The following SDK1 variants were observed in gnomAD, a reference collection of about 807,000 sequenced individuals.
SDK1 encodes the protein protein sidekick-1.
A neutral mutation model predicts 245.5 loss-of-function variants in SDK1; 157 were observed. The observed-to-expected ratio is 0.64, with a 90% CI of 0.56 to 0.73. The LOEUF is 0.73. Ranked by LOEUF, SDK1 falls within the 30% of genes least tolerant of loss-of-function variation. The pLI is 0.00. For missense variants in SDK1, 3,583 were observed against 3,002.3 expected (o/e 1.19, Z -4.52); for synonymous variants, 1,647 against 1,278.5 (o/e 1.29, Z -6.15).
At chr7:3,648,356 C>T (rs2128654901) in intron 4 of SDK1, among the ~76,000 whole-genome samples, 1 of 152,250 alleles carries the variant, frequency 6.6e-6, no homozygotes, top group South Asian at 2.1e-4. Context: ...CTGTAGCCTA[C>T]CTGACAGGAA....
rs1020743932 is a variant in SDK1, at chr7:4,026,095, G to T, written c.2602+8743G>T. On this transcript the variant is annotated intron_variant, in intron 17 of 44. Transcript: ENST00000404826. This position sits in a 1 kb window ranked among gnomAD's most constrained non-coding sequence, Gnocchi z 4.1. ...CCACTCAGCACCCTGGACACGCCAG[G>T]CCGCAGCGCTGGTCTTCCACAGTCC... is the stretch of plus-strand genomic sequence containing the variant. Among the ~76,000 whole-genome samples, 2 of 152,258 alleles carry T rather than the reference G, an allele frequency of 1.3e-5. No individual in the cohort carries two copies. Among genetic ancestry groups the T allele is most frequent in the African/African-American group, 4.8e-5 (2 of 41,476 alleles).
At position 3,549,835 on chromosome 7, in the gene SDK1, A is replaced by G. The variant is rs1562556060; in HGVS notation, c.299-69245A>G. 2.0e-5 allele frequency among the ~76,000 whole-genome samples: 3 copies of G among 152,058 alleles called. No homozygotes were observed. In the South Asian group the frequency reaches 6.2e-4, roughly 31 times the overall value. Reference sequence around the variant, plus strand: ...TAATGTGTTAACAGAGATCTGAATCATGACCTTTTTTTCCCATAGGCATAG... The same window carrying G: ...TAATGTGTTAACAGAGATCTGAATCGTGACCTTTTTTTCCCATAGGCATAG... On this transcript the variant is annotated intron_variant, in intron 1 of 44. Transcript: ENST00000404826.
In SDK1 at chr7:3,577,226, ACTACT is replaced by A. The variant is rs568633872; in HGVS notation, c.299-41849_299-41845del. On this transcript the variant is annotated intron_variant, in intron 1 of 44. Transcript: ENST00000404826. ...CCACCTTTTTATTCCCTTTCCTTACACTACTCTACAAATCATCACATGGTCCCAGT... is the reference window on the plus strand; with the variant it reads ...CCACCTTTTTATTCCCTTTCCTTACACTACAAATCATCACATGGTCCCAGT... Among the ~76,000 whole-genome samples the A allele has an allele frequency of 2.4e-3, 372 of 152,032 alleles. 3 individuals are homozygous for A. The highest frequency in any genetic ancestry group is 3.7e-3 in the Admixed American group (57 of 15,278).
intron 5 of SDK1, among the ~76,000 whole-genome samples, chr7:3,873,188 AC>A (rs199966109): frequency 0.014 from 2,081 of 151,944 alleles, 54 homozygotes; most frequent in African/African-American, 0.048. Flanking sequence ...TTTCTCCTTC[AC>A]TTTTAGAGGA....
intron 5 of SDK1, among the ~76,000 whole-genome samples, chr7:3,865,914 G>A (rs1414546192): frequency 1.3e-5 from 2 of 152,052 alleles, no homozygotes; most frequent in South Asian, 2.1e-4. Context: ...AGAAGCCCTC[G>A]TAGTCCTACA....
intron 5 of SDK1, among the ~76,000 whole-genome samples, chr7:3,942,494 T>C (rs946673020): frequency 6.6e-6 from 1 of 152,304 alleles, no homozygotes; most frequent in Non-Finnish European, 1.5e-5. Context: ...AAAAATACTA[T>C]GATAGGATGT....
intron 1 of SDK1, among the ~76,000 whole-genome samples, chr7:3,547,146 A>C (rs1779250448): frequency 6.6e-6 from 1 of 152,220 alleles, no homozygotes; most frequent in African/African-American, 2.4e-5. Context: ...CTAATGTTTT[A>C]AAATTACAAT....
chr7:4,229,393 G>T (rs1413912954), intron 40 of SDK1, among the ~76,000 whole-genome samples: 1 of 152,194 alleles, frequency 6.6e-6, no homozygotes, highest in African/African-American at 2.4e-5. Context: ...AATTATCTCG[G>T]TATGACATTC....
intron 4 of SDK1, among the ~76,000 whole-genome samples, chr7:3,669,395 C>G (rs1019789999): frequency 6.6e-6 from 1 of 152,128 alleles, no homozygotes; most frequent in Admixed American, 6.5e-5. Flanking sequence ...TCATTGAACT[C>G]TTGAAGATCT....
chr7:3,502,483 C>G (rs771743567), intron 1 of SDK1, among the ~76,000 whole-genome samples: 2 of 152,116 alleles, frequency 1.3e-5, no homozygotes, highest in Non-Finnish European at 2.9e-5. Context: ...CTCCTGACCT[C>G]AGGTGATCCA....
chr7:3,528,113 G>C (rs746619281), intron 1 of SDK1, among the ~76,000 whole-genome samples: 1 of 146,600 alleles, frequency 6.8e-6, no homozygotes, highest in Non-Finnish European at 1.5e-5. Flanking sequence ...GGTAAGGTTG[G>C]ATCATAGCCA....
chr7:4,069,605 T>C (rs1780118488), intron 20 of SDK1, among the ~76,000 whole-genome samples: 1 of 152,224 alleles, frequency 6.6e-6, no homozygotes, highest in African/African-American at 2.4e-5. Context: ...GAAGCAAGCT[T>C]ATGCTCTCTG....
At chr7:3,689,662 C>G (rs1021438271) in intron 4 of SDK1, among the ~76,000 whole-genome samples, 3 of 152,158 alleles carry the variant, frequency 2.0e-5, no homozygotes, top group African/African-American at 7.2e-5. Context: ...TTTACTAGGC[C>G]TCAGATTTCC....
At chr7:3,987,922 C>T (rs551534119) in intron 14 of SDK1, among the ~76,000 whole-genome samples, 159 of 152,184 alleles carry the variant, frequency 1.0e-3, no homozygotes, top group African/African-American at 3.3e-3. Context: ...CACCCACTCA[C>T]GCCTCTCCGC....
intron 1 of SDK1, among the ~76,000 whole-genome samples, chr7:3,467,861 A>G (rs1425970893): frequency 6.6e-6 from 1 of 152,162 alleles, no homozygotes; most frequent in Non-Finnish European, 1.5e-5. Context: ...GTTTGCTGAT[A>G]AATGCTTGGA....
intron 1 of SDK1, among the ~76,000 whole-genome samples, chr7:3,452,924 T>C (rs1780559942): frequency 6.6e-6 from 1 of 152,202 alleles, no homozygotes; most frequent in Non-Finnish European, 1.5e-5. Context: ...TTCATTATGC[T>C]GCCCCTGTTA....
At chr7:4,032,446 G>A (rs188122292) in intron 17 of SDK1, among the ~76,000 whole-genome samples, 2 of 152,282 alleles carry the variant, frequency 1.3e-5, no homozygotes, top group Admixed American at 1.3e-4. Flanking sequence ...GAAGCGTAAG[G>A]TAGTCCACAG....
At chr7:4,119,515 G>GA (rs1313040136) in intron 25 of SDK1, among the ~76,000 whole-genome samples, 7 of 148,574 alleles carry the variant, frequency 4.7e-5, no homozygotes, top group African/African-American at 1.7e-4. Flanking sequence ...GGAAGGCCCA[G>GA]AAAATCTGTG....
chr7:3,843,048 T>G (rs558607613), intron 5 of SDK1, among the ~76,000 whole-genome samples: 1 of 152,138 alleles, frequency 6.6e-6, no homozygotes, highest in East Asian at 1.9e-4. Context: ...AAAACCCATG[T>G]GTAATGAAGA....
Sources: gnomAD v4.1 joint callset for allele counts (sites outside exome capture counted in the v4.1 genomes callset) on GRCh38, gnomAD v4.1.1 for gene constraint, Gnocchi (gnomAD v3.1) non-coding constraint, MANE v1.5 for transcripts, NCBI Gene and HGNC (gene_info 2026-07-23, HGNC 2026-07-21) for gene names.